Variants in MCC observed in about 807,000 individuals in gnomAD.
The protein encoded by MCC is MCC regulator of Wnt signaling pathway.
MCC carries 90 observed loss-of-function variants against 116.2 expected under a neutral mutation model. The observed-to-expected ratio is 0.77, with a 90% CI of 0.65 to 0.92. MCC has a LOEUF of 0.92. Among genes scored for constraint, MCC ranks in the 40% least tolerant of loss-of-function variants. The pLI is 0.00. For missense variants in MCC, 1,516 were observed against 1,312.2 expected (o/e 1.16, Z -2.40); for synonymous variants, 578 against 510.5 (o/e 1.13, Z -1.78).
intron 6 of MCC, among the ~76,000 whole-genome samples, chr5:113,115,420 G>C (rs79469890): frequency 0.029 from 4,425 of 152,256 alleles, 204 homozygotes; most frequent in African/African-American, 0.093. Flanking sequence ...AATCTTACCA[G>C]CTGGGGATTT....
At position 113,330,072 on chromosome 5, in the gene MCC, A is replaced by C. The variant is rs1215377167; in HGVS notation, c.627+10447T>G. 2.6e-5 allele frequency among the ~76,000 whole-genome samples: 4 copies of C among 152,228 alleles called. No homozygotes were observed. The South Asian group carries it at 8.3e-4, about 32-fold the overall frequency. Reference sequence around the variant, plus strand: ...AAACTAACTGAAAGCCTAACTTAGGAGTATAGTTTTGTAACAAATAGCTGA... The same window carrying C: ...AAACTAACTGAAAGCCTAACTTAGGCGTATAGTTTTGTAACAAATAGCTGA... On this transcript the variant is annotated intron_variant, in intron 3 of 18. Coordinates refer to ENST00000408903, the MANE Select transcript of MCC (RefSeq NM_001085377.2).
Position 113,439,288 on chromosome 5 carries a change from A to C in MCC, c.170+48957T>G, listed in dbSNP as rs192624397. On this transcript the variant is annotated intron_variant, in intron 1 of 18. Transcript: ENST00000408903. ...AGTCAAGTCCTAGACCTGGTTGTGGAAGCATGCTGAGTACATTTCAAGTGG... is the reference window on the plus strand; with the variant it reads ...AGTCAAGTCCTAGACCTGGTTGTGGCAGCATGCTGAGTACATTTCAAGTGG... Among the ~76,000 whole-genome samples the C allele has an allele frequency of 3.5e-3, 534 of 152,276 alleles. 4 individuals carry two copies. Among genetic ancestry groups the C allele is most frequent in the African/African-American group, 0.012 (511 of 41,554 alleles).
At chr5:113,281,353 C>T (rs1390721334) in intron 3 of MCC, among the ~76,000 whole-genome samples, 1 of 152,238 alleles carries the variant, frequency 6.6e-6, no homozygotes, top group Non-Finnish European at 1.5e-5. Flanking sequence ...AAAATCTTTA[C>T]AGTAATTCAC....
intron 17 of MCC, among the ~76,000 whole-genome samples, chr5:113,041,535 G>A (rs1468530969): frequency 6.6e-6 from 1 of 152,210 alleles, no homozygotes; most frequent in East Asian, 1.9e-4. Context: ...TACCAGAACA[G>A]GAGGGGACCA....
intron 3 of MCC, among the ~76,000 whole-genome samples, chr5:113,288,097 C>A (rs564955795): frequency 1.3e-5 from 2 of 152,358 alleles, no homozygotes; most frequent in Non-Finnish European, 2.9e-5. Context: ...TGATCCACTG[C>A]ATTTGACTCA....
chr5:113,363,801 C>T (rs1768609212), intron 2 of MCC, among the ~76,000 whole-genome samples: 1 of 152,104 alleles, frequency 6.6e-6, no homozygotes, highest in African/African-American at 2.4e-5. Flanking sequence ...GTCCAAAGTC[C>T]AAAATCTCAT....
At chr5:113,224,357 T>C (rs1346574604) in intron 3 of MCC, among the ~76,000 whole-genome samples, 3 of 152,218 alleles carry the variant, frequency 2.0e-5, no homozygotes, top group Non-Finnish European at 2.9e-5. Context: ...CCTCCCAAAG[T>C]GCTAGGATTA....
At chr5:113,365,147 A>G (rs954373777) in intron 2 of MCC, among the ~76,000 whole-genome samples, 1 of 151,910 alleles carries the variant, frequency 6.6e-6, no homozygotes, top group African/African-American at 2.4e-5. Context: ...AAACTTTTAC[A>G]CCCTCCTTCC....
chr5:113,120,518 AT>A (rs1259542578), intron 6 of MCC, among the ~76,000 whole-genome samples: 20 of 152,052 alleles, frequency 1.3e-4, no homozygotes, highest in Non-Finnish European at 2.2e-4. Flanking sequence ...CACTCTCCTC[AT>A]TTTATTCCTT....
intron 5 of MCC, among the ~76,000 whole-genome samples, chr5:113,129,536 T>C (rs560434257): frequency 5.1e-4 from 77 of 152,324 alleles, no homozygotes; most frequent in Admixed American, 5.0e-3. Context: ...TGGTGAGGGC[T>C]CTTCCTGGCT....
chr5:113,239,601 T>C (rs759035307), intron 3 of MCC, among the ~76,000 whole-genome samples: 1 of 152,134 alleles, frequency 6.6e-6, no homozygotes, highest in Non-Finnish European at 1.5e-5. Context: ...AAGAAGGAAC[T>C]CCGTAGTAAT....
chr5:113,054,628 G>A (rs1316584535), intron 14 of MCC, among the ~76,000 whole-genome samples: 1 of 152,208 alleles, frequency 6.6e-6, no homozygotes, highest in Non-Finnish European at 1.5e-5. Context: ...GAAAAACACA[G>A]GGGTGCACAA....
At chr5:113,242,622 C>A (rs1217746011) in intron 3 of MCC, among the ~76,000 whole-genome samples, 1 of 151,834 alleles carries the variant, frequency 6.6e-6, no homozygotes, top group Non-Finnish European at 1.5e-5. Context: ...AAACTAATGC[C>A]TTCTTAGACA....
intron 1 of MCC, among the ~76,000 whole-genome samples, chr5:113,468,504 A>T (rs9800375): frequency 0.72 from 109,720 of 151,866 alleles, 40,073 homozygotes; most frequent in East Asian, 0.88. Context: ...GCGTATGTTG[A>T]ACCAGCCTTG....
At chr5:113,474,765 CT>C (rs1164707958) in intron 1 of MCC, among the ~76,000 whole-genome samples, 2 of 152,276 alleles carry the variant, frequency 1.3e-5, no homozygotes, top group Non-Finnish European at 2.9e-5. Flanking sequence ...TGATTTCATC[CT>C]TTGCCTATAA....
intron 11 of MCC, among the ~76,000 whole-genome samples, chr5:113,073,141 G>A (rs7718513): frequency 0.11 from 17,344 of 151,000 alleles, 2,471 homozygotes; most frequent in African/African-American, 0.34. Flanking sequence ...TGTTTGGCCC[G>A]AGACATTGCT....
intron 3 of MCC, chr5:113,203,246 T>G (rs962321947): frequency 6.6e-6 from 1 of 152,442 alleles, no homozygotes; most frequent in Non-Finnish European, 1.5e-5. Flanking sequence ...CCTTGACATG[T>G]GCTCTGGTCC....
chr5:113,059,586 G>C (rs890977658), intron 14 of MCC, among the ~76,000 whole-genome samples: 4 of 152,258 alleles, frequency 2.6e-5, no homozygotes, highest in African/African-American at 7.2e-5. Flanking sequence ...GAGCCTGTCT[G>C]TGTTCTCTGA....
intron 3 of MCC, among the ~76,000 whole-genome samples, chr5:113,261,611 C>T (rs1434420263): frequency 6.6e-6 from 1 of 152,118 alleles, no homozygotes; most frequent in African/African-American, 2.4e-5. Flanking sequence ...ATGGGAAAAA[C>T]TGACAAATAT....
Sources: gnomAD v4.1 joint callset for allele counts (sites outside exome capture counted in the v4.1 genomes callset) on GRCh38, gnomAD v4.1.1 for gene constraint, MANE v1.5 for transcripts, NCBI Gene and HGNC (gene_info 2026-07-23, HGNC 2026-07-21) for gene names.